LARGE1: variants seen among roughly 807,000 people sequenced by gnomAD.
LARGE1 encodes LARGE xylosyl- and glucuronyltransferase 1.
A neutral mutation model predicts 87.6 loss-of-function variants in LARGE1; 43 were observed. The ratio of observed to expected loss-of-function variants is 0.49; its 90% CI spans 0.38 to 0.63. LARGE1 has a LOEUF of 0.63. Ranked by LOEUF, LARGE1 falls within the 30% of genes least tolerant of loss-of-function variation. LARGE1 has a pLI of 0.00. For synonymous variants in LARGE1, 434 were observed against 394.6 expected, an observed-to-expected ratio of 1.10 and a Z score of -1.18; for missense variants, 802 against 1,000.2, an observed-to-expected ratio of 0.80 and a Z score of 2.67.
At chr22:33,729,798 A>T (rs1013565896) in intron 2 of LARGE1, among the ~76,000 whole-genome samples, 10 of 152,228 alleles carry the variant, frequency 6.6e-5, no homozygotes, top group African/African-American at 2.4e-4. Context: ...CTGCTTCCTG[A>T]GGAAGGCTGT....
chr22:33,694,862 C>A (rs575987941), intron 2 of LARGE1, among the ~76,000 whole-genome samples: 2 of 152,220 alleles, frequency 1.3e-5, no homozygotes, highest in African/African-American at 4.8e-5. Flanking sequence ...ACTTTGGGGG[C>A]ATGAGCAAGG....
At chr22:33,292,381 T>A (rs1932741624) in intron 12 of LARGE1, among the ~76,000 whole-genome samples, 1 of 152,036 alleles carries the variant, frequency 6.6e-6, no homozygotes, top group Non-Finnish European at 1.5e-5. Flanking sequence ...ACAGTCAAAT[T>A]TAAACAGGGA....
chr22:33,325,001 T>C (rs1269751166), intron 10 of LARGE1, among the ~76,000 whole-genome samples: 1 of 152,236 alleles, frequency 6.6e-6, no homozygotes, highest in East Asian at 1.9e-4. Context: ...TCCTCTTTAG[T>C]AGAAGAAGAC....
chr22:33,681,974 G>T (rs1320061649), intron 2 of LARGE1, among the ~76,000 whole-genome samples: 1 of 152,110 alleles, frequency 6.6e-6, no homozygotes, highest in Non-Finnish European at 1.5e-5. Context: ...ATGCCTAAAT[G>T]ATGCACTTCT....
intron 6 of LARGE1, among the ~76,000 whole-genome samples, chr22:33,558,236 G>A (rs1340816179): frequency 6.6e-6 from 1 of 152,156 alleles, no homozygotes; most frequent in Non-Finnish European, 1.5e-5. Flanking sequence ...CTGGCATAAG[G>A]TCATGGGATT....
Position 33,250,817 on chromosome 22 carries a change from A to G in LARGE1, c.1730+53412T>C, listed in dbSNP as rs1602148278. Among the ~76,000 whole-genome samples, 3 of 152,328 alleles carry G rather than the reference A, an allele frequency of 2.0e-5. No individual in the cohort carries two copies. The East Asian group carries it at 5.8e-4, about 29-fold the overall frequency. Reference sequence around the variant, plus strand: ...AATGGATTACATTAATTGATTTCAAATTGAATCAGCCTTGCACGGCTGGGA... The same window carrying G: ...AATGGATTACATTAATTGATTTCAAGTTGAATCAGCCTTGCACGGCTGGGA... On this transcript the variant is annotated intron_variant, in intron 11 of 11. Coordinates refer to the LARGE1 transcript ENST00000608642.
Position 33,548,993 on chromosome 22 carries a change from C to G in LARGE1, c.787+15855G>C, listed in dbSNP as rs989082889. On this transcript the variant is annotated intron_variant, in intron 6 of 14. Transcript: ENST00000397394. ...GCAAATAAGAAAATAAAAGCCAGAC[C>G]TTCCTTTTCTGATGGAGGTGGTTAT... Among the ~76,000 whole-genome samples, 20 of 152,300 alleles carry G rather than the reference C, an allele frequency of 1.3e-4. No individual in the cohort carries two copies. The East Asian group carries it at 3.7e-3, about 28-fold the overall frequency.
chr22:33,627,510 C>T (rs1176996888), intron 3 of LARGE1, among the ~76,000 whole-genome samples: 1 of 152,150 alleles, frequency 6.6e-6, no homozygotes, highest in East Asian at 1.9e-4. Flanking sequence ...TGAGAGATGC[C>T]TTTTCTTTTC....
chr22:33,400,992 C>T lies in LARGE1; in HGVS notation c.893-16688G>A, dbSNP rs530906547. 2.8e-4 allele frequency among the ~76,000 whole-genome samples: 42 copies of T among 152,288 alleles called. No individual in the cohort carries two copies. In the South Asian group the frequency reaches 3.9e-3, roughly 14 times the overall value. ...TGTGCCCTGGGATCACCTGGCATCCCCTGGTGGCTGGTTCCTGATCGGAAG... is the reference window on the plus strand; with the variant it reads ...TGTGCCCTGGGATCACCTGGCATCCTCTGGTGGCTGGTTCCTGATCGGAAG... On this transcript the variant is annotated intron_variant, in intron 7 of 14. Coordinates refer to ENST00000397394, the MANE Select transcript of LARGE1 (RefSeq NM_133642.5).
chr22:33,699,713 T>G (rs955632949), intron 2 of LARGE1, among the ~76,000 whole-genome samples: 1 of 152,116 alleles, frequency 6.6e-6, no homozygotes. Flanking sequence ...CTAAAATAGT[T>G]CTTTCAATAA....
At chr22:33,901,588 T>G (rs971488733) in intron 1 of LARGE1, among the ~76,000 whole-genome samples, 1 of 152,160 alleles carries the variant, frequency 6.6e-6, no homozygotes, top group African/African-American at 2.4e-5. Context: ...GGAGAATCGC[T>G]TAAGCCCAGG....
chr22:33,160,033 G>C (rs1921972570), downstream of LARGE1, among the ~76,000 whole-genome samples: 1 of 151,786 alleles, frequency 6.6e-6, no homozygotes, highest in Non-Finnish European at 1.5e-5. Context: ...TGAGGGACTT[G>C]AACTTATACA....
intron 10 of LARGE1, among the ~76,000 whole-genome samples, chr22:33,332,980 C>A (rs775326281): frequency 7.9e-5 from 12 of 151,992 alleles, no homozygotes; most frequent in Non-Finnish European, 1.8e-4. Context: ...AGAGCCCCAT[C>A]CATCATGTTT....
intron 1 of LARGE1, among the ~76,000 whole-genome samples, chr22:33,764,661 G>C (rs1244308817): frequency 6.6e-6 from 1 of 152,170 alleles, no homozygotes; most frequent in Non-Finnish European, 1.5e-5. Context: ...GGGAGTCTGA[G>C]GCAGGAAAAT....
the LARGE1 span, among the ~76,000 whole-genome samples, chr22:33,089,368 T>TCTTCTCCTCCTC: frequency 3.6e-4 from 28 of 78,286 alleles, no homozygotes; most frequent in African/African-American, 1.2e-3. Flanking sequence ...TTCTTCTTCT[T>TCTTCTCCTCCTC]CTCCTTCTTC....
chr22:33,750,241 C>T (rs567987169), intron 2 of LARGE1, among the ~76,000 whole-genome samples: 122 of 152,290 alleles, frequency 8.0e-4, no homozygotes, highest in African/African-American at 2.8e-3. Flanking sequence ...ATGGATCATC[C>T]GAGCACTGTG....
chr22:33,102,438 TGGGATTACA>T, the LARGE1 span, among the ~76,000 whole-genome samples: 1 of 152,140 alleles, frequency 6.6e-6, no homozygotes, highest in African/African-American at 2.4e-5. Flanking sequence ...CCTAAAGTGC[TGGGATTACA>T]GGTATGAGCC....
chr22:33,563,273 CAGAGCACAATT>C, intron 6 of LARGE1: 1 of 152,266 alleles, frequency 6.6e-6, no homozygotes, highest in Non-Finnish European at 1.5e-5. Context: ...TCTGATGAGA[CAGAGCACAATT>C]AGGAGCTCCT....
intron 11 of LARGE1, among the ~76,000 whole-genome samples, chr22:33,229,963 C>A (rs1925920899): frequency 6.8e-6 from 1 of 146,846 alleles, no homozygotes; most frequent in Non-Finnish European, 1.5e-5. Context: ...CAATTGAATT[C>A]AGAGAACTAT....
Sources: gnomAD v4.1 joint callset for allele counts (sites outside exome capture counted in the v4.1 genomes callset) on GRCh38, gnomAD v4.1.1 for gene constraint, MANE v1.5 for transcripts, NCBI Gene and HGNC (gene_info 2026-07-23, HGNC 2026-07-21) for gene names.